PTPRM: variants seen among roughly 807,000 people sequenced by gnomAD.
The protein encoded by PTPRM is protein tyrosine phosphatase receptor type M, also known as receptor-type tyrosine-protein phosphatase mu.
PTPRM carries 47 observed loss-of-function variants against 186.7 expected under a neutral mutation model. That is an observed-to-expected ratio of 0.25 (90% CI 0.20 to 0.32). The LOEUF (loss-of-function observed/expected upper bound fraction) is 0.32, where lower values mean the gene tolerates loss of function less well. PTPRM is among the 10% of genes least tolerant of loss of function. The pLI is 1.00. For synonymous variants in PTPRM, 668 were observed against 674.9 expected (o/e 0.99, Z 0.16); for missense variants, 1,494 against 1,865.0 (o/e 0.80, Z 3.66).
chr18:7,738,327 G>A (rs78151665), intron 1 of PTPRM, among the ~76,000 whole-genome samples: 7,470 of 152,278 alleles, frequency 0.049, 467 homozygotes, highest in African/African-American at 0.13. Context: ...TTGTGGAAGC[G>A]TTTTCCCTGC....
intron 7 of PTPRM, among the ~76,000 whole-genome samples, chr18:8,008,709 G>A (rs1912509719): frequency 1.3e-5 from 2 of 152,104 alleles, no homozygotes; most frequent in African/African-American, 4.8e-5. Context: ...AAAGAAAAGT[G>A]TTGCTGCAGG....
At chr18:7,901,709 G>C (rs1185757203) in intron 3 of PTPRM, among the ~76,000 whole-genome samples, 1 of 152,156 alleles carries the variant, frequency 6.6e-6, no homozygotes, top group Non-Finnish European at 1.5e-5. Flanking sequence ...AAAAAACAAA[G>C]GGAAATCTCT....
rs115961740 is a variant in PTPRM at position 8,164,306 on chromosome 18, A to C, written c.2300+20527A>C. Among the ~76,000 whole-genome samples the C allele has an allele frequency of 9.4e-3, 1,429 of 152,330 alleles. 20 individuals are homozygous for C. Among genetic ancestry groups the C allele is most frequent in the African/African-American group, 0.033 (1,354 of 41,566 alleles). On this transcript the variant is annotated intron_variant, in intron 14 of 32. Transcript: ENST00000580170. ...AAAGGTTCTATGCTGGGACCCAAAA[A>C]TGCAGCCCTACCGCCATTATTTACA...
chr18:7,776,422 A>C (rs912101518), intron 2 of PTPRM, among the ~76,000 whole-genome samples: 2 of 152,222 alleles, frequency 1.3e-5, no homozygotes, highest in African/African-American at 4.8e-5. Context: ...GCATGGGTGC[A>C]GCTCAGATTT....
chr18:8,017,145 A>G (rs1022065093), intron 7 of PTPRM, among the ~76,000 whole-genome samples: 3 of 152,204 alleles, frequency 2.0e-5, no homozygotes, highest in Non-Finnish European at 4.4e-5. Flanking sequence ...AATATGTTAT[A>G]AGGACCACGT....
intron 7 of PTPRM, among the ~76,000 whole-genome samples, chr18:7,960,913 A>G (rs1160835888): frequency 4.6e-5 from 7 of 152,330 alleles, no homozygotes; most frequent in East Asian, 3.9e-4. Flanking sequence ...TTAAATACAC[A>G]TAACAAAACT....
At chr18:8,226,654 G>A in intron 14 of PTPRM, among the ~76,000 whole-genome samples, 1 of 152,120 alleles carries the variant, frequency 6.6e-6, no homozygotes, top group Admixed American at 6.5e-5. Context: ...TTAAAATTCT[G>A]AACACTGTTT....
At chr18:7,937,559 G>A (rs571134421) in intron 5 of PTPRM, among the ~76,000 whole-genome samples, 1 of 152,348 alleles carries the variant, frequency 6.6e-6, no homozygotes, top group Non-Finnish European at 1.5e-5. Flanking sequence ...AGCCTGCCAA[G>A]CCAAGTGGGC....
intron 32 of PTPRM, among the ~76,000 whole-genome samples, chr18:8,400,712 G>C (rs952392339): frequency 6.6e-6 from 1 of 152,180 alleles, no homozygotes; most frequent in African/African-American, 2.4e-5. Context: ...CGACCCTCCA[G>C]ACTCAGCCTC....
chr18:8,206,483 C>T (rs1411780064), intron 14 of PTPRM, among the ~76,000 whole-genome samples: 1 of 152,004 alleles, frequency 6.6e-6, no homozygotes, highest in Non-Finnish European at 1.5e-5. Context: ...CTCCTGACCT[C>T]ATCATCTGCC....
intron 14 of PTPRM, among the ~76,000 whole-genome samples, chr18:8,232,514 G>A (rs2094299032): frequency 6.6e-6 from 1 of 152,146 alleles, no homozygotes; most frequent in Admixed American, 6.5e-5. Flanking sequence ...AATGTTGTAG[G>A]AAACTGACAA....
intron 6 of PTPRM, among the ~76,000 whole-genome samples, chr18:7,952,218 T>C (rs1019840927): frequency 9.9e-5 from 15 of 152,282 alleles, no homozygotes; most frequent in African/African-American, 3.4e-4. Context: ...CCATTAGATA[T>C]ATGTCTGTGT....
At chr18:7,743,136 G>A (rs1463904499) in intron 1 of PTPRM, among the ~76,000 whole-genome samples, 1 of 152,160 alleles carries the variant, frequency 6.6e-6, no homozygotes, top group African/African-American at 2.4e-5. Context: ...TCAATAGAAA[G>A]GAAAAAGTCC....
chr18:7,650,609 AAC>A (rs2038677066), intron 1 of PTPRM, among the ~76,000 whole-genome samples: 1 of 152,202 alleles, frequency 6.6e-6, no homozygotes, highest in South Asian at 2.1e-4. Context: ...ATCTGTGACC[AAC>A]CCTATACATT....
chr18:7,950,672 GCAA>G (rs2052888195), intron 6 of PTPRM, among the ~76,000 whole-genome samples: 3 of 152,182 alleles, frequency 2.0e-5, no homozygotes, highest in African/African-American at 7.2e-5. Context: ...TACATAGTGA[GCAA>G]TGGGTGCTTG....
At chr18:8,336,843 G>A (rs756909795) in intron 22 of PTPRM, among the ~76,000 whole-genome samples, 1 of 151,918 alleles carries the variant, frequency 6.6e-6, no homozygotes, top group African/African-American at 2.4e-5. Flanking sequence ...TGGGTGTGGT[G>A]GTGCGTGCCT....
chr18:7,766,825 G>C (rs1883376808), intron 1 of PTPRM, among the ~76,000 whole-genome samples: 1 of 152,198 alleles, frequency 6.6e-6, no homozygotes, highest in Admixed American at 6.5e-5. Flanking sequence ...AAAAGATTTA[G>C]AGCTAAGAGG....
chr18:8,163,757 G>A (rs191334351), intron 14 of PTPRM, among the ~76,000 whole-genome samples: 5 of 152,270 alleles, frequency 3.3e-5, no homozygotes, highest in Non-Finnish European at 7.4e-5. Flanking sequence ...ATCTGATTAT[G>A]TGCAGTGTAA....
intron 7 of PTPRM, among the ~76,000 whole-genome samples, chr18:8,043,620 A>G (rs961542203): frequency 4.0e-5 from 6 of 151,888 alleles, no homozygotes; most frequent in African/African-American, 1.5e-4. Context: ...TTTATCCTAC[A>G]ATCCTGATGC....
Sources: allele counts gnomAD v4.1 joint callset (sites outside exome capture counted in the v4.1 genomes callset), GRCh38; gene constraint gnomAD v4.1.1; transcripts MANE v1.5; gene names NCBI Gene and HGNC (gene_info 2026-07-23, HGNC 2026-07-21).